ITSN2: variants seen among roughly 807,000 people sequenced by gnomAD.
The protein encoded by ITSN2 is intersectin-2.
In ITSN2, 156 loss-of-function variants were observed where a neutral mutation model predicts 243.7. The observed-to-expected ratio is 0.64, with a 90% CI of 0.56 to 0.73. The LOEUF (loss-of-function observed/expected upper bound fraction) is 0.73. Ranked by LOEUF, ITSN2 falls within the 30% of genes least tolerant of loss-of-function variation. The pLI, the probability that ITSN2 is intolerant of heterozygous loss-of-function variation, is 0.00. For synonymous variants in ITSN2, 703 were observed against 699.9 expected (o/e 1.00, Z -0.07); for missense variants, 1,801 against 1,996.1 (o/e 0.90, Z 1.86).
intron 20 of ITSN2, among the ~76,000 whole-genome samples, chr2:24,266,788 A>AT (rs138343908): frequency 0.012 from 1,728 of 141,350 alleles, 222 homozygotes; most frequent in African/African-American, 0.028. Context: ...AAAAAAAAAA[A>AT]TAGCCAGGTG....
intron 20 of ITSN2, among the ~76,000 whole-genome samples, chr2:24,267,723 T>C (rs1676843367): frequency 6.6e-6 from 1 of 151,924 alleles, no homozygotes; most frequent in African/African-American, 2.4e-5. Context: ...CCCCGCTAAT[T>C]TTTTTTTACT....
chr2:24,335,476 G>T (rs112300653), intron 1 of ITSN2, among the ~76,000 whole-genome samples: 183 of 152,204 alleles, frequency 1.2e-3, no homozygotes, highest in African/African-American at 4.1e-3. Context: ...AGGACTACAG[G>T]CGTGTACCAC....
intron 1 of ITSN2, among the ~76,000 whole-genome samples, chr2:24,347,599 T>C (rs1687657954): frequency 6.6e-6 from 1 of 152,016 alleles, no homozygotes; most frequent in African/African-American, 2.4e-5. Flanking sequence ...GGCAGGAAAA[T>C]CGCTTGAACC....
chr2:24,308,849 CA>C (rs1175405637), intron 7 of ITSN2, 93 bp from the exon 8 acceptor site: 2 of 843,252 alleles, frequency 2.4e-6, no homozygotes, highest in Non-Finnish European at 3.6e-6. Context: ...TCTTATATAC[CA>C]GGGGTCCTGA....
intron 1 of ITSN2, among the ~76,000 whole-genome samples, chr2:24,337,340 A>ATATATATATATG (rs1385136403): frequency 0.018 from 2,033 of 112,336 alleles, 170 homozygotes; most frequent in Non-Finnish European, 0.028. Context: ...ATATATATAT[A>ATATATATATATG]TATATATATA....
At chr2:24,338,329 G>C (rs1434758955) in intron 1 of ITSN2, among the ~76,000 whole-genome samples, 3 of 152,032 alleles carry the variant, frequency 2.0e-5, no homozygotes, top group South Asian at 2.1e-4. Context: ...CCTCCCCTTC[G>C]AGTTGTCCCA....
At chr2:24,220,859 G>C in intron 30 of ITSN2, 86 bp downstream of exon 30, 3 of 1,489,128 alleles carry the variant, frequency 2.0e-6, no homozygotes, top group Non-Finnish European at 1.8e-6. Context: ...TTGACTCTGC[G>C]TGGAGGCAGC....
At chr2:24,328,585 C>A (rs1376361421) in intron 1 of ITSN2, among the ~76,000 whole-genome samples, 1 of 151,968 alleles carries the variant, frequency 6.6e-6, no homozygotes, top group African/African-American at 2.4e-5. Context: ...ACCTTGGCCA[C>A]CTGAGTAGCT....
chr2:24,226,068 T>TA (rs1474003319), intron 29 of ITSN2, among the ~76,000 whole-genome samples: 2 of 152,218 alleles, frequency 1.3e-5, no homozygotes, highest in Non-Finnish European at 2.9e-5. Flanking sequence ...TCTGTGTAGT[T>TA]ACGGTGTCAG....
upstream of ITSN2, chr2:24,360,654 C>T (rs1240418744): frequency 1.3e-5 from 2 of 152,318 alleles, no homozygotes; most frequent in African/African-American, 4.8e-5. Flanking sequence ...TGGCTCCTCG[C>T]CCCAGGAGTT....
intron 29 of ITSN2, among the ~76,000 whole-genome samples, chr2:24,233,352 T>C (rs1671809360): frequency 6.6e-6 from 1 of 152,170 alleles, no homozygotes. Flanking sequence ...AGGTGGCTAA[T>C]GGATGACCAC....
rs1668521670 is a variant in ITSN2 at position 24,203,475 on chromosome 2, A to G, written c.*151T>C. 3 of 699,064 alleles carry G rather than the reference A, an allele frequency of 4.3e-6. No homozygotes were observed. The highest frequency in any genetic ancestry group is 4.6e-6 in the Non-Finnish European group (2 of 430,350). The allele number at this position is 699,064 out of a possible 1,614,324, so 43.3% of individuals were successfully genotyped here. On this transcript the variant is annotated 3_prime_UTR_variant, in exon 40 of 40. Coordinates refer to ENST00000355123, the MANE Select transcript of ITSN2 (RefSeq NM_006277.3). Reference sequence around the variant, plus strand: ...AAGGTGTTTGCATAGATTGCTAGCTATTTAGTGTGCAGGAAAACAGAGCCC... The same window carrying G: ...AAGGTGTTTGCATAGATTGCTAGCTGTTTAGTGTGCAGGAAAACAGAGCCC...
chr2:24,238,586 G>A (rs935840893), intron 29 of ITSN2, among the ~76,000 whole-genome samples: 2 of 152,078 alleles, frequency 1.3e-5, no homozygotes, highest in African/African-American at 4.8e-5. Context: ...GTATTAATTT[G>A]TAAGTTCCAT....
rs775786648 is a variant in ITSN2, at chr2:24,216,136, G to A, written c.3903C>T (p.Tyr1301=). Residue 1301 remains tyrosine, a synonymous_variant, in exon 32 of 40, where the codon TAC becomes TAT. Transcript: ENST00000355123. Reference sequence around the variant, plus strand: ...TAAGCTGGCAGCTGCAGAACCTGATGTAAGCCTGCATGTGGGACAGCTCAG... The same window carrying A: ...TAAGCTGGCAGCTGCAGAACCTGATATAAGCCTGCATGTGGGACAGCTCAG... The part of the protein sequence containing the change: ...LAAELSHMQA[Y]IRFCSCQLNG... 6.2e-7 allele frequency: 1 copy of A among 1,613,322 alleles called. No individual in the cohort carries two copies. The highest frequency in any genetic ancestry group is 8.5e-7 in the Non-Finnish European group (1 of 1,179,624).
chr2:24,231,551 A>C (rs1173692984), intron 29 of ITSN2, among the ~76,000 whole-genome samples: 2 of 152,104 alleles, frequency 1.3e-5, no homozygotes, highest in Non-Finnish European at 2.9e-5. Context: ...CACAAGACCC[A>C]CCCCCACACT....
At chr2:24,288,472 C>T (rs1238860632) in intron 15 of ITSN2, among the ~76,000 whole-genome samples, 3 of 151,932 alleles carry the variant, frequency 2.0e-5, no homozygotes, top group African/African-American at 4.8e-5. Flanking sequence ...TTAACATATG[C>T]ATAATTTAGC....
rs1294806839 is a variant in ITSN2, at chr2:24,261,137, G to T, written c.2651C>A (p.Ser884Tyr). ...QKKSAFTRTV[S>Y]PGSVSPIHGQ... The stretch of plus-strand genomic sequence containing the variant: ...ATGAATAGGTGATACAGATCCAGGG[G>T]ACACAGTTCGAGTGAAGGCTGATTT... The change falls in exon 22 of 40, where the codon TCC (serine) becomes TAC (tyrosine). Residue 884 changes from serine to tyrosine, a missense_variant. Ser to Tyr is a moderately radical substitution (Grantham distance 144). Coordinates refer to ENST00000355123, the MANE Select transcript of ITSN2 (RefSeq NM_006277.3). 5 of 1,613,882 alleles carry T rather than the reference G, an allele frequency of 3.1e-6. No homozygotes were observed. The highest frequency in any genetic ancestry group is 4.2e-6 in the Non-Finnish European group (5 of 1,179,846).
intron 36 of ITSN2, 71 bp downstream of exon 36, chr2:24,209,029 G>T: frequency 3.2e-6 from 5 of 1,573,886 alleles, no homozygotes; most frequent in Non-Finnish European, 4.4e-6. Context: ...CTGGAGATGG[G>T]TTTATGGCAG....
intron 2 of ITSN2, among the ~76,000 whole-genome samples, chr2:24,319,549 A>G (rs1379307799): frequency 1.3e-5 from 2 of 152,078 alleles, no homozygotes; most frequent in East Asian, 3.9e-4. Context: ...CCCACCCCCA[A>G]TCTCAGTAAT....
Sources: allele counts gnomAD v4.1 joint callset (sites outside exome capture counted in the v4.1 genomes callset), GRCh38; gene constraint gnomAD v4.1.1; transcripts MANE v1.5; gene names NCBI Gene and HGNC (gene_info 2026-07-23, HGNC 2026-07-21).